PYGM: variants seen among roughly 807,000 people sequenced by gnomAD.
PYGM encodes the protein glycogen phosphorylase, muscle form.
Under a neutral mutation model 99.3 loss-of-function variants are expected in PYGM, and 81 were observed. The observed-to-expected ratio is 0.82, with a 90% confidence interval of 0.68 to 0.98. PYGM has a LOEUF of 0.98. Ranked by LOEUF, PYGM falls within the 50% of genes least tolerant of loss-of-function variation. The pLI is 0.00. For synonymous variants in PYGM, 436 were observed against 451.5 expected (o/e 0.97, Z 0.44); for missense variants, 1,030 against 1,158.1 (o/e 0.89, Z 1.61).
At chr11:64,752,132 C>CCA in intron 13 of PYGM, 61 bp from the exon 14 acceptor site, 1 of 1,610,172 alleles carries the variant, frequency 6.2e-7, no homozygotes, top group Non-Finnish European at 8.5e-7. Context: ...ATCCTACAGT[C>CCA]CACACTCCAG....
At chr11:64,753,433 G>A (rs1592410767) in intron 11 of PYGM, 86 bp downstream of exon 11, 1 of 1,483,718 alleles carries the variant, frequency 6.7e-7, no homozygotes, top group East Asian at 2.5e-5. Context: ...CCAGAGAGTG[G>A]TCGGTGAAGG....
chr11:64,751,353 C>T lies in PYGM; in HGVS notation c.1941G>A (p.Glu647=), dbSNP rs754483073. The change falls in exon 16 of 20, where the codon GAG becomes GAA. Residue 647 remains glutamate (E), a synonymous_variant. Coordinates refer to ENST00000164139, the MANE Select transcript of PYGM (RefSeq NM_005609.4). Reference sequence around the variant, plus strand: ...TCTCGGCCAGTGAGACTCGGTAGTTCTCCAGGAAGATGACACGGAGGCGGT... The same window carrying T: ...TCTCGGCCAGTGAGACTCGGTAGTTTTCCAGGAAGATGACACGGAGGCGGT... ...VGDRLRVIFL[E]NYRVSLAEKV... 5 of 1,614,164 alleles carry T rather than the reference C, an allele frequency of 3.1e-6. No individual in the cohort carries two copies. In the East Asian group the frequency reaches 1.1e-4, roughly 36 times the overall value.
rs1054545498 is a variant in PYGM, at chr11:64,754,949, C to A, written c.856-113G>T. 2.1e-6 allele frequency: 3 copies of A among 1,448,432 alleles called. No homozygotes were observed. Among genetic ancestry groups the A allele is most frequent in the Non-Finnish European group, 2.8e-6 (3 of 1,072,792 alleles). The allele number at this position is 1,448,432 out of a possible 1,614,324, so 89.7% of individuals were successfully genotyped here. On this transcript the variant is annotated intron_variant, in intron 7 of 19. Coordinates refer to ENST00000164139, the MANE Select transcript of PYGM (RefSeq NM_005609.4). This position sits in a 1 kb window ranked among gnomAD's most constrained non-coding sequence, Gnocchi z 5.5. ...ATACCGGGACCCCTGAGCCCTGAGC[C>A]GGCCCCCTCTCTGGGACCCAGGGGC...
Position 64,747,259 on chromosome 11 carries a change from GA to G in PYGM, c.2276del (p.Phe759SerfsTer44). On this transcript the variant is annotated frameshift_variant, in exon 18 of 20. Coordinates refer to ENST00000164139, the MANE Select transcript of PYGM (RefSeq NM_005609.4). LOFTEE classifies it high-confidence loss of function. Reference protein sequence around the residue: ...GFFSPKQPDLFKDIVNMLMHH... With the variant: ...GFFSPKQPDLXKDIVNMLMHH... ...GCATGAGCATATTGACAATGTCCTTGAACAGGTCGGGCTGTTTGGGGGAGAA... is the reference window on the plus strand; with the variant it reads ...GCATGAGCATATTGACAATGTCCTTGACAGGTCGGGCTGTTTGGGGGAGAA... 2 of 1,614,160 alleles carry G rather than the reference GA, an allele frequency of 1.2e-6. No individual in the cohort carries two copies. The highest frequency in any genetic ancestry group is 1.7e-6 in the Non-Finnish European group (2 of 1,179,974).
chr11:64,756,291 C>A (rs541505681), intron 5 of PYGM, among the ~76,000 whole-genome samples: 20 of 152,210 alleles, frequency 1.3e-4, no homozygotes, highest in Admixed American at 2.6e-4. Flanking sequence ...CCAGTTGCCA[C>A]GTGCACCTGG....
At chr11:64,749,218 G>A (rs2058335877) in intron 17 of PYGM, among the ~76,000 whole-genome samples, 2 of 151,984 alleles carry the variant, frequency 1.3e-5, no homozygotes, top group South Asian at 4.2e-4. Flanking sequence ...GTGGTGGTGG[G>A]TATCTGTAAT....
chr11:64,751,886 G>A (rs2058358947), intron 14 of PYGM, 38 bp downstream of exon 14: 16 of 1,613,342 alleles, frequency 9.9e-6, no homozygotes, highest in Non-Finnish European at 1.4e-5. Flanking sequence ...GGAACACGGG[G>A]GAGCACTGAG....
intron 13 of PYGM, 84 bp downstream of exon 13, chr11:64,752,319 C>T: frequency 6.6e-7 from 1 of 1,516,796 alleles, no homozygotes; most frequent in South Asian, 1.1e-5. Context: ...GAGATGAGCT[C>T]TATTTGCCAC....
At chr11:64,760,088 G>C (rs1302510717), upstream of PYGM, 1 of 897,412 alleles carries the variant, frequency 1.1e-6, no homozygotes, top group Non-Finnish European at 1.6e-6. Flanking sequence ...TGAGGGCAAG[G>C]GGAGGAGAGG....
In PYGM at chr11:64,754,698, C is replaced by T. The variant is rs893148729; in HGVS notation, c.994G>A (p.Asp332Asn). 6.2e-7 allele frequency: 1 copy of T among 1,613,380 alleles called. No homozygotes were observed. Among genetic ancestry groups the T allele is most frequent in the African/African-American group, 1.3e-5 (1 of 74,904 alleles). ...PVRTNFDAFP[D>N]KVAIQLNDTH... ...GCCCTCCACACGCATGGTACCTTAT[C>T]TGGGAAGGCATCGAAGTTCGTGCGC... Residue 332 changes from aspartate (D) to asparagine (N), a missense_variant, in exon 8 of 20, where the codon GAT becomes AAT. Coordinates refer to ENST00000164139, the MANE Select transcript of PYGM (RefSeq NM_005609.4). This position sits in a 1 kb window ranked among gnomAD's most constrained non-coding sequence, Gnocchi z 5.5.
chr11:64,754,702 G>A lies in PYGM; in HGVS notation c.990C>T (p.Phe330=), dbSNP rs2135835271. The change falls in exon 8 of 20, where the codon TTC becomes TTT. Residue 330 remains phenylalanine (F), a synonymous_variant. Transcript: ENST00000164139. This position sits in a 1 kb window ranked among gnomAD's most constrained non-coding sequence, Gnocchi z 5.5. ...TCCACACGCATGGTACCTTATCTGG[G>A]AAGGCATCGAAGTTCGTGCGCACGG... ...RDPVRTNFDA[F]PDKVAIQLND... 1 of 1,613,590 alleles carries A rather than the reference G, an allele frequency of 6.2e-7. No homozygotes were observed.
Position 64,755,209 on chromosome 11 carries a change from G to C in PYGM, c.855+64C>G, listed in dbSNP as rs567276062. 9.7e-6 allele frequency: 15 copies of C among 1,539,700 alleles called. No homozygotes were observed. The South Asian group carries it at 1.3e-4, about 14-fold the overall frequency. On this transcript the variant is annotated intron_variant, in intron 7 of 19. Coordinates refer to ENST00000164139, the MANE Select transcript of PYGM (RefSeq NM_005609.4). The surrounding 1 kb of genome is among the most constrained non-coding windows in gnomAD (Gnocchi z 4.1). ...GGGCACCAGCAAGTGTCCTTCCCCA[G>C]CTCTCCCTGACCCCTGCTGCCAAGG...
intron 5 of PYGM, among the ~76,000 whole-genome samples, chr11:64,756,068 A>T (rs1476718099): frequency 6.6e-6 from 1 of 152,140 alleles, no homozygotes; most frequent in Non-Finnish European, 1.5e-5. Flanking sequence ...AACATCAATA[A>T]TTGTCTGCTA....
chr11:64,757,833 G>A lies in PYGM; in HGVS notation c.606C>T (p.His202=), dbSNP rs79860859. ...TGGTGTGCTCCACATGGCCGTAGAA[G>A]TGCACAGGTAGCGTGAACTCGGGCC... is the stretch of plus-strand genomic sequence containing the variant. ...KARPEFTLPV[H]FYGHVEHTSQ... Residue 202 remains histidine, a synonymous_variant, in exon 5 of 20, where the codon CAC becomes CAT. Coordinates refer to ENST00000164139, the MANE Select transcript of PYGM (RefSeq NM_005609.4). The A allele has an allele frequency of 1.2e-4, 201 of 1,614,152 alleles. No individual in the cohort carries two copies. The East Asian group carries it at 4.3e-3, about 35-fold the overall frequency.
chr11:64,754,175 T>A lies in PYGM; in HGVS notation c.1092+78A>T. ...CTCTGATCCCTTCACTCCATTCATA[T>A]CCTCCCACGCTCCCAAACTGGGAAG... On this transcript the variant is annotated intron_variant, in intron 9 of 19. Coordinates refer to ENST00000164139, the MANE Select transcript of PYGM (RefSeq NM_005609.4). This position sits in a 1 kb window ranked among gnomAD's most constrained non-coding sequence, Gnocchi z 5.5. 6.3e-7 allele frequency: 1 copy of A among 1,578,674 alleles called. No homozygotes were observed. The highest frequency in any genetic ancestry group is 1.1e-5 in the South Asian group (1 of 90,336).
chr11:64,755,740 A>G lies in PYGM; in HGVS notation c.661-182T>C, dbSNP rs2058390440. 6.6e-6 allele frequency among the ~76,000 whole-genome samples: 1 copy of G among 152,220 alleles called. No homozygotes were observed. Among genetic ancestry groups the G allele is most frequent in the Admixed American group, 6.5e-5 (1 of 15,290 alleles). On this transcript the variant is annotated intron_variant, in intron 5 of 19. Coordinates refer to ENST00000164139, the MANE Select transcript of PYGM (RefSeq NM_005609.4). This position sits in a 1 kb window ranked among gnomAD's most constrained non-coding sequence, Gnocchi z 4.1. ...GTCTCTCTGGACCGCATCTAGAGCA[A>G]AGACACCCTCAACACCTCCCCGACA...
Position 64,746,764 on chromosome 11 carries a change from G to A in PYGM, c.2424C>T (p.Thr808=), listed in dbSNP as rs769860534. Residue 808 remains threonine, a synonymous_variant, in exon 20 of 20, where the codon ACC becomes ACT. Transcript: ENST00000164139. ...TGCGGTCACTGGAGAACTTGCCAGA[G>A]GTGGCTATGTTCCGGATCACCATCC... ...WTRMVIRNIA[T]SGKFSSDRTI... is the part of the protein sequence containing the mutation. The A allele has an allele frequency of 4.3e-6, 7 of 1,614,066 alleles. No homozygotes were observed. Among genetic ancestry groups the A allele is most frequent in the Admixed American group, 1.7e-5 (1 of 60,002 alleles).
chr11:64,754,145 T>C lies in PYGM; in HGVS notation c.1092+108A>G. On this transcript the variant is annotated intron_variant, in intron 9 of 19. Transcript: ENST00000164139. This position sits in a 1 kb window ranked among gnomAD's most constrained non-coding sequence, Gnocchi z 5.5. Reference sequence around the variant, plus strand: ...AGGTTCCAGGACGGTCCCTCTGGCCTCAGGCTCTGATCCCTTCACTCCATT... The same window carrying C: ...AGGTTCCAGGACGGTCCCTCTGGCCCCAGGCTCTGATCCCTTCACTCCATT... 1.3e-6 allele frequency: 2 copies of C among 1,584,440 alleles called. No homozygotes were observed. Among genetic ancestry groups the C allele is most frequent in the African/African-American group, 1.3e-5 (1 of 74,368 alleles).
rs984930650 is a variant in PYGM, at chr11:64,754,574, C to T, written c.999+119G>A. ...GATTGTGAATCCTGAACAACTGACCCTCCCACACTCCCAGTCTCCACTCCC... is the reference window on the plus strand; with the variant it reads ...GATTGTGAATCCTGAACAACTGACCTTCCCACACTCCCAGTCTCCACTCCC... On this transcript the variant is annotated intron_variant, in intron 8 of 19. Transcript: ENST00000164139. The surrounding 1 kb of genome is among the most constrained non-coding windows in gnomAD (Gnocchi z 5.5). The T allele has an allele frequency of 6.4e-6, 9 of 1,416,114 alleles. No homozygotes were observed. In the Admixed American group the frequency reaches 1.6e-4, roughly 25 times the overall value. The allele number at this position is 1,416,114 out of a possible 1,614,324, so 87.7% of individuals were successfully genotyped here.
Sources: allele counts gnomAD v4.1 joint callset (sites outside exome capture counted in the v4.1 genomes callset), GRCh38; gene constraint gnomAD v4.1.1; non-coding constraint Gnocchi (gnomAD v3.1); transcripts MANE v1.5; gene names NCBI Gene and HGNC (gene_info 2026-07-23, HGNC 2026-07-21).